The following GULP1 variants were observed in gnomAD, a reference collection of about 807,000 sequenced individuals.
GULP1 encodes the protein GULP PTB domain containing engulfment adaptor 1.
Under a neutral mutation model 40.9 loss-of-function variants are expected in GULP1, and 19 were observed. The ratio of observed to expected loss-of-function variants is 0.46; its 90% CI spans 0.32 to 0.68. The LOEUF is 0.68. Ranked by LOEUF, GULP1 falls within the 30% of genes least tolerant of loss-of-function variation. The pLI is 0.03. For synonymous variants in GULP1, 119 were observed against 117.6 expected (o/e 1.01, Z -0.08); for missense variants, 312 against 362.2 (o/e 0.86, Z 1.12).
chr2:188,309,568 A>G (rs1285898686), intron 1 of GULP1, among the ~76,000 whole-genome samples: 1 of 152,198 alleles, frequency 6.6e-6, no homozygotes, highest in Non-Finnish European at 1.5e-5. Flanking sequence ...TGATTATGCA[A>G]TAGTGATGCT....
intron 10 of GULP1, among the ~76,000 whole-genome samples, chr2:188,584,784 TATC>T (rs1702019352): frequency 6.6e-6 from 1 of 152,084 alleles, no homozygotes; most frequent in South Asian, 2.1e-4. Context: ...ATATTTTTGT[TATC>T]ATAGGGTTTA....
chr2:188,376,075 G>T (rs941565697), intron 1 of GULP1, among the ~76,000 whole-genome samples: 2 of 151,982 alleles, frequency 1.3e-5, no homozygotes, highest in South Asian at 2.1e-4. Flanking sequence ...GGTATGGAGG[G>T]CCAAGTGTAT....
chr2:188,327,727 C>T (rs2040956601), intron 1 of GULP1, among the ~76,000 whole-genome samples: 1 of 152,082 alleles, frequency 6.6e-6, no homozygotes, highest in African/African-American at 2.4e-5. Flanking sequence ...ATTTTGAATT[C>T]TGGCTAATGG....
At chr2:188,394,905 T>A (rs1374326572) in intron 2 of GULP1, among the ~76,000 whole-genome samples, 1 of 152,224 alleles carries the variant, frequency 6.6e-6, no homozygotes, top group African/African-American at 2.4e-5. Context: ...CCTCTGGGGT[T>A]GGAATGGCAA....
intron 1 of GULP1, among the ~76,000 whole-genome samples, chr2:188,337,359 C>T (rs989009692): frequency 1.3e-5 from 2 of 151,152 alleles, no homozygotes; most frequent in South Asian, 2.1e-4. Flanking sequence ...AGGCTGGTCA[C>T]GAAATCCTGA....
At chr2:188,342,852 A>C (rs1405517127) in intron 1 of GULP1, among the ~76,000 whole-genome samples, 2 of 152,154 alleles carry the variant, frequency 1.3e-5, no homozygotes, top group Non-Finnish European at 2.9e-5. Flanking sequence ...ATGTACTTTT[A>C]GTTCCTCATC....
intron 3 of GULP1, among the ~76,000 whole-genome samples, chr2:188,481,960 AAAAAG>A (rs201591783): frequency 0.011 from 1,678 of 152,088 alleles, 35 homozygotes; most frequent in African/African-American, 0.038. Flanking sequence ...TAGCAATCAC[AAAAAG>A]TATAGCTAAG....
At chr2:188,503,698 C>A (rs1001159513) in intron 4 of GULP1, among the ~76,000 whole-genome samples, 1 of 151,920 alleles carries the variant, frequency 6.6e-6, no homozygotes, top group African/African-American at 2.4e-5. Context: ...CCATAGCAGT[C>A]TCCTTTTCTT....
chr2:188,324,494 C>T (rs946655684), intron 1 of GULP1, among the ~76,000 whole-genome samples: 3 of 151,980 alleles, frequency 2.0e-5, no homozygotes, highest in African/African-American at 7.2e-5. Flanking sequence ...GATGCCTGTA[C>T]ATTTTAAGTT....
At chr2:188,381,698 C>T (rs945254179) in intron 1 of GULP1, among the ~76,000 whole-genome samples, 4 of 152,114 alleles carry the variant, frequency 2.6e-5, no homozygotes, top group Admixed American at 6.6e-5. Flanking sequence ...TTCCTTTTCT[C>T]TCCTCTCATT....
chr2:188,480,414 A>G (rs1342509913), intron 3 of GULP1, among the ~76,000 whole-genome samples: 1 of 151,978 alleles, frequency 6.6e-6, no homozygotes, highest in African/African-American at 2.4e-5. Context: ...GGACCTCAGA[A>G]GCCTAAGGAA....
At chr2:188,521,944 C>G (rs1469331012) in intron 4 of GULP1, among the ~76,000 whole-genome samples, 1 of 151,928 alleles carries the variant, frequency 6.6e-6, no homozygotes, top group Non-Finnish European at 1.5e-5. Context: ...GGCACAGTGG[C>G]GGGTGCCTGT....
intron 1 of GULP1, among the ~76,000 whole-genome samples, chr2:188,379,063 T>G (rs1490728905): frequency 1.3e-5 from 2 of 152,200 alleles, no homozygotes; most frequent in Non-Finnish European, 2.9e-5. Context: ...AAGTGACTTG[T>G]GTTTTCCACT....
intron 2 of GULP1, among the ~76,000 whole-genome samples, chr2:188,425,317 A>G (rs1014850949): frequency 3.9e-5 from 6 of 152,108 alleles, no homozygotes; most frequent in Admixed American, 3.9e-4. Flanking sequence ...CATACTTGAC[A>G]TATTTCAACC....
chr2:188,314,667 A>G (rs139877513), intron 1 of GULP1, among the ~76,000 whole-genome samples: 6 of 152,224 alleles, frequency 3.9e-5, no homozygotes, highest in Admixed American at 2.6e-4. Context: ...CACTTTCTTT[A>G]TGTACCTTTT....
At chr2:188,341,401 C>G (rs919958319) in intron 1 of GULP1, among the ~76,000 whole-genome samples, 2 of 152,066 alleles carry the variant, frequency 1.3e-5, no homozygotes, top group Non-Finnish European at 2.9e-5. Context: ...CCACTCCTGT[C>G]ATCCAATCAC....
intron 9 of GULP1, among the ~76,000 whole-genome samples, chr2:188,581,979 A>G (rs1701420719): frequency 6.6e-6 from 1 of 152,112 alleles, no homozygotes; most frequent in Non-Finnish European, 1.5e-5. Flanking sequence ...CTGTTCTCTC[A>G]TTACTATCCT....
intron 1 of GULP1, among the ~76,000 whole-genome samples, chr2:188,329,229 A>T (rs188386940): frequency 6.6e-6 from 1 of 151,882 alleles, no homozygotes; most frequent in African/African-American, 2.4e-5. Flanking sequence ...TACCATGCCA[A>T]TGGTTCTATA....
At position 188,569,576 on chromosome 2, in the gene GULP1, C is replaced by T. The variant is rs992247291; in HGVS notation, c.516+221C>T. 8.1e-5 allele frequency: 38 copies of T among 470,812 alleles called. No individual in the cohort carries two copies. The Admixed American group carries it at 1.1e-3, about 14-fold the overall frequency. 29.2% of individuals were successfully genotyped at this position (470,812 alleles called of 1,614,324 possible). A position where few individuals can be genotyped will look rare whatever the true frequency, so the allele number is the denominator to read the frequency against. The stretch of plus-strand genomic sequence containing the variant: ...AATTCCCACAAGAACTTAGTGTTCT[C>T]ATGTGACTTTGCTTCACTTCCTGAT... On this transcript the variant is annotated intron_variant, in intron 8 of 11. Transcript: ENST00000409830.
Sources: gnomAD v4.1 joint callset for allele counts (sites outside exome capture counted in the v4.1 genomes callset) on GRCh38, gnomAD v4.1.1 for gene constraint, MANE v1.5 for transcripts, NCBI Gene and HGNC (gene_info 2026-07-23, HGNC 2026-07-21) for gene names.